Variants in DGKB observed in about 807,000 individuals in gnomAD.
The protein encoded by DGKB is 90 kDa diacylglycerol kinase.
A neutral mutation model predicts 114.3 loss-of-function variants in DGKB; 67 were observed. The ratio of observed to expected loss-of-function variants is 0.59; its 90% CI spans 0.48 to 0.72. The LOEUF is 0.72. Among genes scored for constraint, DGKB ranks in the 30% least tolerant of loss-of-function variants. DGKB has a pLI of 0.00. For missense variants in DGKB, 907 were observed against 975.2 expected, an observed-to-expected ratio of 0.93 and a Z score of 0.93; for synonymous variants, 398 against 323.1, an observed-to-expected ratio of 1.23 and a Z score of -2.49.
intron 2 of DGKB, among the ~76,000 whole-genome samples, chr7:14,836,063 G>C (rs1314922530): frequency 6.6e-6 from 1 of 152,134 alleles, no homozygotes; most frequent in African/African-American, 2.4e-5. Context: ...AAGTGAGAAA[G>C]CTGAGGCTCA....
chr7:14,327,294 A>C (rs1381219201), intron 23 of DGKB, among the ~76,000 whole-genome samples: 1 of 152,150 alleles, frequency 6.6e-6, no homozygotes, highest in Admixed American at 6.6e-5. Flanking sequence ...GAAGACAAAC[A>C]GCAGAAATGA....
intron 2 of DGKB, among the ~76,000 whole-genome samples, chr7:14,776,578 C>T (rs1838228075): frequency 6.6e-6 from 1 of 152,228 alleles, no homozygotes; most frequent in Non-Finnish European, 1.5e-5. Flanking sequence ...AGGGTGCAAG[C>T]CCGAAGCCTT....
chr7:14,918,952 A>C (rs1784373678), intron 1 of DGKB, among the ~76,000 whole-genome samples: 1 of 151,788 alleles, frequency 6.6e-6, no homozygotes, highest in Non-Finnish European at 1.5e-5. Flanking sequence ...AATCCCAGCT[A>C]CTCAGGAGGC....
chr7:14,562,564 T>C (rs1339630484), intron 20 of DGKB, among the ~76,000 whole-genome samples: 4 of 152,222 alleles, frequency 2.6e-5, no homozygotes, highest in Non-Finnish European at 5.9e-5. Flanking sequence ...TGGAAGCCTA[T>C]CTTTTGCATC....
intron 17 of DGKB, among the ~76,000 whole-genome samples, chr7:14,590,854 T>C (rs1801591708): frequency 6.6e-6 from 1 of 152,050 alleles, no homozygotes; most frequent in Admixed American, 6.6e-5. Flanking sequence ...TTATTAAAAG[T>C]AGTATAGGTA....
intron 20 of DGKB, among the ~76,000 whole-genome samples, chr7:14,518,942 G>A (rs906805573): frequency 6.6e-6 from 1 of 152,026 alleles, no homozygotes; most frequent in African/African-American, 2.4e-5. Context: ...CAAGTTCCCA[G>A]GTGATTGTGA....
At chr7:14,531,781 C>G (rs971422330) in intron 20 of DGKB, among the ~76,000 whole-genome samples, 1 of 150,898 alleles carries the variant, frequency 6.6e-6, no homozygotes, top group African/African-American at 2.4e-5. Context: ...GATTTAGAAA[C>G]TTTCTACAGA....
chr7:14,455,560 T>C (rs1284932794), intron 21 of DGKB, among the ~76,000 whole-genome samples: 1 of 152,062 alleles, frequency 6.6e-6, no homozygotes, highest in African/African-American at 2.4e-5. Context: ...TGGTTACTTA[T>C]ATTTCTCTAG....
chr7:14,685,646 T>C (rs1174053821), intron 9 of DGKB, among the ~76,000 whole-genome samples: 1 of 152,134 alleles, frequency 6.6e-6, no homozygotes, highest in Non-Finnish European at 1.5e-5. Flanking sequence ...GCCAAATGGA[T>C]CAGGGACGTG....
At chr7:14,439,429 C>T (rs1479251623) in intron 21 of DGKB, among the ~76,000 whole-genome samples, 1 of 152,062 alleles carries the variant, frequency 6.6e-6, no homozygotes, top group African/African-American at 2.4e-5. Flanking sequence ...AAATGAAATG[C>T]CACAAATAAC....
At chr7:14,744,631 A>C (rs772264871) in intron 4 of DGKB, among the ~76,000 whole-genome samples, 1 of 152,212 alleles carries the variant, frequency 6.6e-6, no homozygotes, top group Admixed American at 6.5e-5. Context: ...ATCAAAAGCA[A>C]TTTTAAAAGT....
intron 5 of DGKB, among the ~76,000 whole-genome samples, chr7:14,727,123 A>T (rs1456841732): frequency 6.6e-6 from 1 of 152,164 alleles, no homozygotes; most frequent in Non-Finnish European, 1.5e-5. Flanking sequence ...TTAAGACAAC[A>T]CTATTATTTA....
chr7:14,711,890 C>G (rs79274823), intron 6 of DGKB, among the ~76,000 whole-genome samples: 1 of 151,972 alleles, frequency 6.6e-6, no homozygotes, highest in African/African-American at 2.4e-5. Context: ...GCGAATATAC[C>G]GAATATTGAG....
intron 20 of DGKB, among the ~76,000 whole-genome samples, chr7:14,538,425 C>T (rs1299138403): frequency 2.6e-5 from 4 of 152,080 alleles, no homozygotes; most frequent in African/African-American, 4.8e-5. Context: ...CAAATCAAAG[C>T]CACAATGAGA....
At chr7:14,370,828 G>C (rs1227293516) in intron 21 of DGKB, among the ~76,000 whole-genome samples, 1 of 152,036 alleles carries the variant, frequency 6.6e-6, no homozygotes, top group African/African-American at 2.4e-5. Flanking sequence ...TTCTCTCCAT[G>C]TTCTAGTAGT....
upstream of DGKB, among the ~76,000 whole-genome samples, chr7:14,905,292 T>A (rs1290929933): frequency 6.7e-6 from 1 of 149,832 alleles, no homozygotes; most frequent in Non-Finnish European, 1.5e-5. Flanking sequence ...TAAGATTCAC[T>A]TTAAGAAAAA....
intron 6 of DGKB, 31 bp downstream of exon 6, chr7:14,718,511 C>A (rs370382503): frequency 8.8e-6 from 14 of 1,587,264 alleles, no homozygotes; most frequent in South Asian, 1.2e-5. Context: ...CCCCCAATCA[C>A]GATAAGTAAA....
chr7:14,200,722 G>A lies in DGKB; in HGVS notation c.2123-22571C>T, dbSNP rs369376912. Among the ~76,000 whole-genome samples the A allele has an allele frequency of 2.0e-5, 3 of 152,064 alleles. No homozygotes were observed. In the East Asian group the frequency reaches 5.8e-4, roughly 30 times the overall value. On this transcript the variant is annotated intron_variant, in intron 23 of 25. Transcript: ENST00000402815. ...AATGTGACTGAGATAGATGTAAAAA[G>A]CTATTAGTCTCCTTAAGAGCACTAA...
At chr7:14,634,503 C>CACAA (rs1242247098) in intron 13 of DGKB, among the ~76,000 whole-genome samples, 1 of 150,636 alleles carries the variant, frequency 6.6e-6, no homozygotes, top group African/African-American at 2.4e-5. Flanking sequence ...CACACACACA[C>CACAA]ACACACACAC....
Sources: gnomAD v4.1 joint callset for allele counts (sites outside exome capture counted in the v4.1 genomes callset) on GRCh38, gnomAD v4.1.1 for gene constraint, MANE v1.5 for transcripts, NCBI Gene and HGNC (gene_info 2026-07-23, HGNC 2026-07-21) for gene names.